The following FOXO3 variants were observed in gnomAD, a reference collection of about 807,000 sequenced individuals.
FOXO3 encodes forkhead box O3, also known as forkhead box protein O3.
FOXO3 carries 4 observed loss-of-function variants against 41.9 expected under a neutral mutation model. The ratio of observed to expected loss-of-function variants is 0.10; its 90% confidence interval spans 0.05 to 0.22. The LOEUF is 0.22. Among genes scored for constraint, FOXO3 ranks in the 10% least tolerant of loss-of-function variants. FOXO3 has a pLI of 1.00. For synonymous variants in FOXO3, 318 were observed against 389.3 expected (o/e 0.82, Z 2.16); for missense variants, 534 against 906.8 (o/e 0.59, Z 5.28).
At position 108,664,147 on chromosome 6, in the gene FOXO3, A is replaced by C; in HGVS notation, c.1314A>C (p.Ser438=). 1.2e-6 allele frequency: 2 copies of C among 1,613,956 alleles called. No homozygotes were observed. Among genetic ancestry groups the C allele is most frequent in the Non-Finnish European group, 1.7e-6 (2 of 1,179,986 alleles). ...TTAACAGCACGGTGTTCGGACCTTC[A>C]TCTCTGAACTCCCTACGCCAGTCTC... ...SSFNSTVFGP[S]SLNSLRQSPM... Residue 438 remains serine (S), a synonymous_variant, in exon 2 of 3, where the codon TCA becomes TCC. Coordinates refer to ENST00000406360, the MANE Select transcript of FOXO3 (RefSeq NM_001455.4).
intron 1 of FOXO3, among the ~76,000 whole-genome samples, chr6:108,660,763 T>C (rs1778820640): frequency 1.3e-5 from 2 of 152,040 alleles, no homozygotes; most frequent in African/African-American, 4.8e-5. Context: ...TCCCAGCACT[T>C]TGGGAGGCCG....
At chr6:108,676,240 T>A (rs1219771535) in intron 2 of FOXO3, among the ~76,000 whole-genome samples, 1 of 152,228 alleles carries the variant, frequency 6.6e-6, no homozygotes, top group African/African-American at 2.4e-5. Flanking sequence ...CAGAACAGCA[T>A]CTTTGTATTT....
At chr6:108,584,808 T>A (rs983885822) in intron 1 of FOXO3, among the ~76,000 whole-genome samples, 1 of 152,114 alleles carries the variant, frequency 6.6e-6, no homozygotes, top group African/African-American at 2.4e-5. Context: ...AGAATAACAA[T>A]AATGATAGCC....
chr6:108,579,947 T>C (rs1452208664), intron 1 of FOXO3, among the ~76,000 whole-genome samples: 2 of 152,146 alleles, frequency 1.3e-5, no homozygotes, highest in Non-Finnish European at 2.9e-5. Context: ...TCCTGACTTC[T>C]GTGTGCTGCT....
intron 1 of FOXO3, among the ~76,000 whole-genome samples, chr6:108,588,860 C>T (rs1380512748): frequency 2.6e-5 from 4 of 152,202 alleles, no homozygotes; most frequent in Non-Finnish European, 5.9e-5. Context: ...ACAAAAAACC[C>T]ACAAAACTCC....
At chr6:108,562,578 T>C (rs1162827062) in intron 1 of FOXO3, among the ~76,000 whole-genome samples, 1 of 152,110 alleles carries the variant, frequency 6.6e-6, no homozygotes, top group Non-Finnish European at 1.5e-5. Flanking sequence ...GAGGCCTGGA[T>C]TCAGGCACTG....
At chr6:108,604,507 T>A (rs984768673) in intron 1 of FOXO3, among the ~76,000 whole-genome samples, 1 of 152,230 alleles carries the variant, frequency 6.6e-6, no homozygotes, top group Non-Finnish European at 1.5e-5. Context: ...GACTTATTAG[T>A]ATGTAATATT....
At chr6:108,596,807 A>G (rs917804684) in intron 1 of FOXO3, among the ~76,000 whole-genome samples, 1 of 152,238 alleles carries the variant, frequency 6.6e-6, no homozygotes. Flanking sequence ...ACTGAAGCCC[A>G]TAAGTCCTGC....
intron 1 of FOXO3, among the ~76,000 whole-genome samples, chr6:108,654,910 C>A (rs147558279): frequency 6.6e-6 from 1 of 152,110 alleles, no homozygotes; most frequent in Non-Finnish European, 1.5e-5. Flanking sequence ...TTATATATGA[C>A]GTAATAACTC....
chr6:108,603,537 A>G (rs1396870278), intron 1 of FOXO3, among the ~76,000 whole-genome samples: 1 of 151,996 alleles, frequency 6.6e-6, no homozygotes, highest in African/African-American at 2.4e-5. Flanking sequence ...GGTATTGGTG[A>G]TTTTAACTTT....
intron 1 of FOXO3, among the ~76,000 whole-genome samples, chr6:108,620,902 C>T (rs1777647432): frequency 6.6e-6 from 1 of 152,016 alleles, no homozygotes; most frequent in South Asian, 2.1e-4. Context: ...CTGTAGCCTC[C>T]CACGTTATCC....
At chr6:108,608,941 A>G (rs1314025745) in intron 1 of FOXO3, among the ~76,000 whole-genome samples, 2 of 152,218 alleles carry the variant, frequency 1.3e-5, no homozygotes, top group African/African-American at 4.8e-5. Flanking sequence ...AATGCTCAGC[A>G]GTATAGAACT....
intron 1 of FOXO3, among the ~76,000 whole-genome samples, chr6:108,609,704 T>A (rs1282550577): frequency 6.6e-6 from 1 of 152,216 alleles, no homozygotes; most frequent in East Asian, 1.9e-4. Flanking sequence ...TAGCCACTTG[T>A]GCCAACAAAG....
At chr6:108,593,278 T>G (rs1244904909) in intron 1 of FOXO3, among the ~76,000 whole-genome samples, 1 of 152,236 alleles carries the variant, frequency 6.6e-6, no homozygotes, top group African/African-American at 2.4e-5. Flanking sequence ...TAGATGAGCT[T>G]GAAAGAGTGA....
intron 1 of FOXO3, among the ~76,000 whole-genome samples, chr6:108,659,728 G>A (rs1365267088): frequency 2.0e-5 from 3 of 152,204 alleles, no homozygotes; most frequent in East Asian, 1.9e-4. Context: ...GGCCCTGGAT[G>A]TGGGTGTTCC....
rs1191964328 is a variant in FOXO3, at chr6:108,563,957, G to GT, written c.621+2140dup. Among the ~76,000 whole-genome samples, 959 of 143,336 alleles carry GT rather than the reference G, an allele frequency of 6.7e-3. 12 individuals are homozygous for GT. Among genetic ancestry groups the GT allele is most frequent in the Middle Eastern group, 0.011 (3 of 280 alleles). 94.0% of individuals were successfully genotyped at this position (143,336 alleles called of 152,430 possible). A position where few individuals can be genotyped will look rare whatever the true frequency, so the allele number is the denominator to read the frequency against. ...TATGTCATCGTTTTTTTGTCTTATG[G>GT]TTTTTTTTTTTTACCCTTCTCTGCT... On this transcript the variant is annotated intron_variant, in intron 1 of 2. Transcript: ENST00000406360.
chr6:108,665,232 G>C (rs1779014891), intron 2 of FOXO3, among the ~76,000 whole-genome samples: 3 of 152,240 alleles, frequency 2.0e-5, no homozygotes, highest in African/African-American at 2.4e-5. Context: ...TGGATGAGAA[G>C]AGAAGGAGAG....
intron 1 of FOXO3, among the ~76,000 whole-genome samples, chr6:108,590,584 A>G (rs1391800048): frequency 6.6e-6 from 1 of 152,344 alleles, no homozygotes; most frequent in East Asian, 1.9e-4. Flanking sequence ...TGTATATGCA[A>G]ATATTCCAAA....
At chr6:108,656,559 T>C (rs886520788) in intron 1 of FOXO3, 20 of 966,492 alleles carry the variant, frequency 2.1e-5, no homozygotes, top group Non-Finnish European at 3.7e-6. Context: ...ATTTATGATG[T>C]CACTGCTTCC....
Sources: allele counts gnomAD v4.1 joint callset (sites outside exome capture counted in the v4.1 genomes callset), GRCh38; gene constraint gnomAD v4.1.1; transcripts MANE v1.5; gene names NCBI Gene and HGNC (gene_info 2026-07-23, HGNC 2026-07-21).